PTPRG: variants seen among roughly 807,000 people sequenced by gnomAD.
PTPRG encodes the protein protein tyrosine phosphatase receptor type G.
Under a neutral mutation model 165.3 loss-of-function variants are expected in PTPRG, and 102 were observed. The observed-to-expected ratio is 0.62, with a 90% CI of 0.53 to 0.73. The LOEUF (loss-of-function observed/expected upper bound fraction) is 0.73, where lower values mean the gene tolerates loss of function less well. Ranked by LOEUF, PTPRG falls within the 30% of genes least tolerant of loss-of-function variation. The pLI, the probability that PTPRG is intolerant of heterozygous loss-of-function variation, is 0.00. For missense variants in PTPRG, 1,866 were observed against 1,861.4 expected (o/e 1.00, Z -0.05); for synonymous variants, 675 against 669.5 (o/e 1.01, Z -0.13).
In PTPRG at chr3:62,292,567, T is replaced by C. The variant is rs371130699; in HGVS notation, c.4191+11T>C. 4.3e-6 allele frequency: 7 copies of C among 1,612,122 alleles called. No homozygotes were observed. The highest frequency in any genetic ancestry group is 5.9e-6 in the Non-Finnish European group (7 of 1,179,020). ...GTATTCACAGACATTGTAAGTAGTT[T>C]GCTTATGTGTAAAACCTGTACTACA... On this transcript the variant is annotated intron_variant, in intron 29 of 29. Transcript: ENST00000474889.
chr3:62,262,689 G>T, intron 16 of PTPRG, 109 bp from the exon 17 acceptor site: 1 of 570,786 alleles, frequency 1.8e-6, no homozygotes, highest in East Asian at 3.3e-5. Flanking sequence ...GATTGAGAAG[G>T]TAACGGTGGC....
chr3:61,914,114 C>T (rs979265761), intron 2 of PTPRG, among the ~76,000 whole-genome samples: 1 of 152,200 alleles, frequency 6.6e-6, no homozygotes, highest in Non-Finnish European at 1.5e-5. Flanking sequence ...CTTTTCCTCT[C>T]ATCTACAGTT....
At chr3:61,623,799 T>A (rs751129718) in intron 1 of PTPRG, among the ~76,000 whole-genome samples, 1 of 152,168 alleles carries the variant, frequency 6.6e-6, no homozygotes, top group Non-Finnish European at 1.5e-5. Flanking sequence ...GGGCTACCTG[T>A]GAAAGGCTTC....
intron 14 of PTPRG, among the ~76,000 whole-genome samples, chr3:62,242,383 G>A (rs755616353): frequency 6.6e-6 from 1 of 152,214 alleles, no homozygotes; most frequent in Non-Finnish European, 1.5e-5. Context: ...GGAGGCATGT[G>A]TCAAGAGTTG....
chr3:61,688,298 G>T (rs1393419606), intron 1 of PTPRG, among the ~76,000 whole-genome samples: 6 of 152,200 alleles, frequency 3.9e-5, no homozygotes, highest in Non-Finnish European at 5.9e-5. Flanking sequence ...GTCAAAAAAA[G>T]GCTGCATGCT....
At position 61,865,447 on chromosome 3, in the gene PTPRG, G is replaced by T. The variant is rs189596023; in HGVS notation, c.190+116465G>T. Reference sequence around the variant, plus strand: ...GTTCTGAGTCCAAAGCATGTGTCTTGTAAATGGTGAAGCTAAGATTTGAAC... The same window carrying T: ...GTTCTGAGTCCAAAGCATGTGTCTTTTAAATGGTGAAGCTAAGATTTGAAC... On this transcript the variant is annotated intron_variant, in intron 2 of 29. Coordinates refer to ENST00000474889, the MANE Select transcript of PTPRG (RefSeq NM_002841.4). Among the ~76,000 whole-genome samples, 5 of 152,320 alleles carry T rather than the reference G, an allele frequency of 3.3e-5. No individual in the cohort carries two copies. In the South Asian group the frequency reaches 8.3e-4, roughly 25 times the overall value.
chr3:62,212,350 C>T (rs1700378755), intron 12 of PTPRG, among the ~76,000 whole-genome samples: 1 of 152,114 alleles, frequency 6.6e-6, no homozygotes, highest in African/African-American at 2.4e-5. Flanking sequence ...GTTATATGGG[C>T]AGAGCAACAG....
At chr3:62,052,026 A>G (rs549567811) in intron 4 of PTPRG, among the ~76,000 whole-genome samples, 6 of 152,292 alleles carry the variant, frequency 3.9e-5, no homozygotes, top group Admixed American at 1.3e-4. Context: ...TCTTCTGAGT[A>G]AAAAAAGGAT....
intron 6 of PTPRG, among the ~76,000 whole-genome samples, chr3:62,140,177 C>T (rs555507417): frequency 1.1e-4 from 16 of 152,310 alleles, no homozygotes; most frequent in South Asian, 6.2e-4. Context: ...GTTCCCCTGC[C>T]GGGGATGCAC....
At chr3:61,932,314 C>T (rs1464132871) in intron 2 of PTPRG, among the ~76,000 whole-genome samples, 1 of 152,182 alleles carries the variant, frequency 6.6e-6, no homozygotes, top group Non-Finnish European at 1.5e-5. Flanking sequence ...CGGTGTTGAA[C>T]ACAACAGACC....
chr3:61,890,408 CTTTG>C (rs2038177229), intron 2 of PTPRG, among the ~76,000 whole-genome samples: 1 of 89,904 alleles, frequency 1.1e-5, no homozygotes, highest in African/African-American at 7.0e-5. Flanking sequence ...GTTTCTTGTT[CTTTG>C]TTTTTTTTTT....
At chr3:61,745,546 A>G (rs2033164605) in intron 1 of PTPRG, among the ~76,000 whole-genome samples, 1 of 152,156 alleles carries the variant, frequency 6.6e-6, no homozygotes, top group Non-Finnish European at 1.5e-5. Flanking sequence ...TTTGTACCTC[A>G]ATACTTTGCG....
intron 2 of PTPRG, among the ~76,000 whole-genome samples, chr3:61,776,030 A>G (rs966045647): frequency 7.9e-5 from 12 of 152,086 alleles, no homozygotes; most frequent in Admixed American, 7.2e-4. Context: ...ATGCATATGT[A>G]ACAAACCTGC....
At chr3:61,797,581 A>ACCAACCCCCCCCCCCC (rs2035088327) in intron 2 of PTPRG, among the ~76,000 whole-genome samples, 1 of 127,374 alleles carries the variant, frequency 7.9e-6, no homozygotes, top group African/African-American at 3.0e-5. Context: ...TTATCTCCAC[A>ACCAACCCCCCCCCCCC]CCCCCCCCCA....
At chr3:62,285,116 T>G in intron 28 of PTPRG, among the ~76,000 whole-genome samples, 1 of 152,106 alleles carries the variant, frequency 6.6e-6, no homozygotes, top group Non-Finnish European at 1.5e-5. Flanking sequence ...ACTCTCACAT[T>G]GCTGAGGCCA....
At chr3:62,019,116 T>G (rs2041620862) in intron 4 of PTPRG, among the ~76,000 whole-genome samples, 1 of 152,202 alleles carries the variant, frequency 6.6e-6, no homozygotes, top group African/African-American at 2.4e-5. Flanking sequence ...CAGGTGCTCA[T>G]CTGTTTCACA....
intron 4 of PTPRG, among the ~76,000 whole-genome samples, chr3:62,033,795 T>C (rs1237236488): frequency 6.6e-6 from 1 of 151,952 alleles, no homozygotes; most frequent in Non-Finnish European, 1.5e-5. Context: ...TGAGACGGAG[T>C]CTCACTCTGT....
chr3:61,991,309 G>A (rs1424809507), intron 3 of PTPRG, among the ~76,000 whole-genome samples: 4 of 152,198 alleles, frequency 2.6e-5, no homozygotes, highest in South Asian at 2.1e-4. Flanking sequence ...AGGTTCAAGC[G>A]ATTCTCCTGC....
At chr3:61,727,063 G>T (rs1276406637) in intron 1 of PTPRG, among the ~76,000 whole-genome samples, 1 of 143,808 alleles carries the variant, frequency 7.0e-6, no homozygotes, top group Non-Finnish European at 1.5e-5. Context: ...AAAAAAAAAA[G>T]ATTGAGCTAT....
Sources: gnomAD v4.1 joint callset for allele counts (sites outside exome capture counted in the v4.1 genomes callset) on GRCh38, gnomAD v4.1.1 for gene constraint, MANE v1.5 for transcripts, NCBI Gene and HGNC (gene_info 2026-07-23, HGNC 2026-07-21) for gene names.